NAA60: variants seen among roughly 807,000 people sequenced by gnomAD.
NAA60 encodes N-alpha-acetyltransferase 60.
A neutral mutation model predicts 26.1 loss-of-function variants in NAA60; 8 were observed. That is an observed-to-expected ratio of 0.31 (90% CI 0.18 to 0.55). The LOEUF is 0.55. Among genes scored for constraint, NAA60 ranks in the 20% least tolerant of loss-of-function variants. NAA60 has a pLI of 0.93. For synonymous variants in NAA60, 131 were observed against 122.5 expected (o/e 1.07, Z -0.46); for missense variants, 290 against 311.3 (o/e 0.93, Z 0.51).
In NAA60 at chr16:3,459,923, A is replaced by G. The variant is rs150792990; in HGVS notation, c.-7+11383A>G. On this transcript the variant is annotated intron_variant, in intron 2 of 7. Coordinates refer to ENST00000407558, the MANE Select transcript of NAA60 (RefSeq NM_001083601.3). ...AGCATGCTTCAGATTAGAATGGAAGAAAGTTCCTGGATGTGAGGAGATTTG... is the reference window on the plus strand; with the variant it reads ...AGCATGCTTCAGATTAGAATGGAAGGAAGTTCCTGGATGTGAGGAGATTTG... Among the ~76,000 whole-genome samples the G allele has an allele frequency of 2.5e-3, 386 of 152,298 alleles. 2 individuals carry two copies. The highest frequency in any genetic ancestry group is 3.7e-3 in the Non-Finnish European group (255 of 68,026).
chr16:3,452,214 A>G (rs1484040085), intron 2 of NAA60, among the ~76,000 whole-genome samples: 1 of 152,102 alleles, frequency 6.6e-6, no homozygotes, highest in African/African-American at 2.4e-5. Flanking sequence ...CCTTGTCTCA[A>G]AAAAATTAAA....
chr16:3,465,560 G>C (rs1478381446), intron 2 of NAA60, among the ~76,000 whole-genome samples: 1 of 152,200 alleles, frequency 6.6e-6, no homozygotes, highest in Admixed American at 6.5e-5. Flanking sequence ...TGCAGACGGG[G>C]GTTAGTACAG....
chr16:3,476,681 G>A (rs1267859077), intron 3 of NAA60, among the ~76,000 whole-genome samples: 1 of 152,070 alleles, frequency 6.6e-6, no homozygotes, highest in East Asian at 1.9e-4. Flanking sequence ...ATTAGAGTAT[G>A]TGCATATAAA....
intron 2 of NAA60, among the ~76,000 whole-genome samples, chr16:3,466,762 A>G (rs1363530769): frequency 6.6e-6 from 1 of 152,050 alleles, no homozygotes; most frequent in Non-Finnish European, 1.5e-5. Flanking sequence ...AGGTGGCCCG[A>G]GAGGGAGATC....
rs561647432 is a variant in NAA60, at chr16:3,477,169, G to A, written c.110+832G>A. Among the ~76,000 whole-genome samples, 23 of 152,170 alleles carry A rather than the reference G, an allele frequency of 1.5e-4. No homozygotes were observed. The South Asian group carries it at 3.9e-3, about 26-fold the overall frequency. On this transcript the variant is annotated intron_variant, in intron 3 of 7. Transcript: ENST00000407558. ...TAATGATAGGTATGAACTGAGCGGG[G>A]GTGAAAAAAATTTTACAAGGGGGTA...
At chr16:3,484,659 T>C in intron 6 of NAA60, 40 bp from the exon 7 acceptor site, 1 of 1,560,946 alleles carries the variant, frequency 6.4e-7, no homozygotes, top group Non-Finnish European at 8.7e-7. Flanking sequence ...CTGGCGAGCG[T>C]GGTCAGGGCA....
chr16:3,481,358 T>A (rs1262719486), intron 4 of NAA60, among the ~76,000 whole-genome samples: 1 of 152,152 alleles, frequency 6.6e-6, no homozygotes, highest in Non-Finnish European at 1.5e-5. Context: ...GTGCTAGGAT[T>A]ACAGGTGTGA....
intron 2 of NAA60, among the ~76,000 whole-genome samples, chr16:3,457,764 G>C (rs1292830005): frequency 1.3e-5 from 2 of 152,308 alleles, no homozygotes; most frequent in South Asian, 2.1e-4. Flanking sequence ...CCGCGCCACC[G>C]GCGTCCGCAC....
In NAA60 at chr16:3,484,917, G is replaced by A; in HGVS notation, c.*62G>A. 6.5e-7 allele frequency: 1 copy of A among 1,546,556 alleles called. No homozygotes were observed. Among genetic ancestry groups the A allele is most frequent in the Non-Finnish European group, 8.7e-7 (1 of 1,146,878 alleles). ...GGCCGCCCGCAGAGCCCGCCTTCCT[G>A]TCCATCTGACCCCTTCTGTTTTCTG... On this transcript the variant is annotated 3_prime_UTR_variant, in exon 7 of 8. Coordinates refer to ENST00000407558, the MANE Select transcript of NAA60 (RefSeq NM_001083601.3).
At chr16:3,453,643 G>A (rs2150951055) in intron 2 of NAA60, among the ~76,000 whole-genome samples, 1 of 152,142 alleles carries the variant, frequency 6.6e-6, no homozygotes, top group East Asian at 1.9e-4. Context: ...CCCAACCTCA[G>A]GTGATCTGCC....
Position 3,483,836 on chromosome 16 carries a change from G to A in NAA60, c.572+239G>A, listed in dbSNP as rs370280742. The A allele has an allele frequency of 2.5e-3, 1,310 of 519,112 alleles. 19 individuals are homozygous for A. In the South Asian group the frequency reaches 0.026, roughly 10 times the overall value. The allele number at this position is 519,112 out of a possible 1,614,324, so 32.2% of individuals were successfully genotyped here. On this transcript the variant is annotated intron_variant, in intron 6 of 7. Transcript: ENST00000407558. Reference sequence around the variant, plus strand: ...TCGAACTCCTAAGCTCAAATGATCCGCCTGCCGCAGCCTCCCAAATTACTG... The same window carrying A: ...TCGAACTCCTAAGCTCAAATGATCCACCTGCCGCAGCCTCCCAAATTACTG...
intron 2 of NAA60, among the ~76,000 whole-genome samples, chr16:3,460,042 C>A (rs1169196443): frequency 6.6e-6 from 1 of 152,160 alleles, no homozygotes; most frequent in Non-Finnish European, 1.5e-5. Flanking sequence ...CGGGGTGTAC[C>A]TGTTAGCGGT....
chr16:3,454,380 G>C (rs548914050), intron 2 of NAA60, among the ~76,000 whole-genome samples: 1 of 152,180 alleles, frequency 6.6e-6, no homozygotes, highest in Non-Finnish European at 1.5e-5. Context: ...TGAGTAAATA[G>C]GCAAGAGAAA....
At chr16:3,480,555 C>T (rs2036762307) in intron 4 of NAA60, among the ~76,000 whole-genome samples, 1 of 151,316 alleles carries the variant, frequency 6.6e-6, no homozygotes, top group Non-Finnish European at 1.5e-5. Context: ...CGAGATCGTG[C>T]CATTGCACTC....
intron 3 of NAA60, 102 bp from the exon 4 acceptor site, chr16:3,479,369 G>C: frequency 7.9e-7 from 1 of 1,264,926 alleles, no homozygotes; most frequent in Non-Finnish European, 1.1e-6. Flanking sequence ...TAGAGCAGCA[G>C]GCAGAAGTGG....
In NAA60 at chr16:3,456,481, A is replaced by T. The variant is rs531900608; in HGVS notation, c.-7+7941A>T. Among the ~76,000 whole-genome samples the T allele has an allele frequency of 6.6e-5, 10 of 152,188 alleles. No homozygotes were observed. The East Asian group carries it at 1.9e-3, about 29-fold the overall frequency. The stretch of plus-strand genomic sequence containing the variant: ...CCCCATCTTTTATTTTGAAAATTTC[A>T]AACCTCCTCAATTTTTGAAAGAATA... On this transcript the variant is annotated intron_variant, in intron 2 of 7. Transcript: ENST00000407558.
chr16:3,443,757 G>C lies in NAA60; in HGVS notation c.-157G>C. ...GAAGTAGAGTCTTAGGGTGACCCCA[G>C]GGGGACGTAATGTTTCCGAGAAGAA... On this transcript the variant is annotated 5_prime_UTR_variant, in exon 1 of 8. Transcript: ENST00000407558. The C allele has an allele frequency of 6.5e-7, 1 of 1,533,200 alleles. No homozygotes were observed. The highest frequency in any genetic ancestry group is 8.7e-7 in the Non-Finnish European group (1 of 1,145,490). 95.0% of individuals were successfully genotyped at this position (1,533,200 alleles called of 1,614,324 possible). A position where few individuals can be genotyped will look rare whatever the true frequency, so the allele number is the denominator to read the frequency against.
intron 1 of NAA60, among the ~76,000 whole-genome samples, chr16:3,444,055 T>G (rs899149847): frequency 1.3e-5 from 2 of 152,192 alleles, no homozygotes; most frequent in Non-Finnish European, 2.9e-5. Flanking sequence ...CAAAGTGTTA[T>G]AGAGGCATTA....
intron 7 of NAA60, 25 bp downstream of exon 7, chr16:3,485,086 A>G: frequency 7.4e-7 from 1 of 1,354,112 alleles, no homozygotes; most frequent in Non-Finnish European, 1.0e-6. Context: ...ACACAAAGGT[A>G]TGGGAGCTTG....
Sources: gnomAD v4.1 joint callset for allele counts (sites outside exome capture counted in the v4.1 genomes callset) on GRCh38, gnomAD v4.1.1 for gene constraint, MANE v1.5 for transcripts, NCBI Gene and HGNC (gene_info 2026-07-23, HGNC 2026-07-21) for gene names.